Variants in COL15A1 observed in about 807,000 individuals in gnomAD.
COL15A1 encodes collagen alpha-1(XV) chain.
A neutral mutation model predicts 165.9 loss-of-function variants in COL15A1; 111 were observed. That is an observed-to-expected ratio of 0.67 (90% confidence interval 0.57 to 0.78). COL15A1 has a LOEUF of 0.78. COL15A1 is among the 30% of genes least tolerant of loss of function. The pLI is 0.00. For synonymous variants in COL15A1, 659 were observed against 674.8 expected (o/e 0.98, Z 0.36); for missense variants, 1,745 against 1,789.7 (o/e 0.98, Z 0.45).
chr9:98,947,206 C>G lies in COL15A1; in HGVS notation c.100+2956C>G, dbSNP rs1270009298. On this transcript the variant is annotated intron_variant, in intron 2 of 41. Coordinates refer to ENST00000375001, the MANE Select transcript of COL15A1 (RefSeq NM_001855.5). ...GGTGTATCCATTTAATGGAATACTA[C>G]TCAGCAATAAAAAGGAATGAAGTAT... is the stretch of plus-strand genomic sequence containing the variant. Among the ~76,000 whole-genome samples, 4 of 152,026 alleles carry G rather than the reference C, an allele frequency of 2.6e-5. No individual in the cohort carries two copies. In the South Asian group the frequency reaches 8.3e-4, roughly 32 times the overall value.
intron 4 of COL15A1, among the ~76,000 whole-genome samples, chr9:98,988,648 C>A (rs1263187843): frequency 6.6e-6 from 1 of 152,112 alleles, no homozygotes; most frequent in Non-Finnish European, 1.5e-5. Flanking sequence ...CCAGGCTGGG[C>A]GCAGTAGCTC....
intron 39 of COL15A1, among the ~76,000 whole-genome samples, chr9:99,065,972 C>T (rs545172241): frequency 6.6e-5 from 10 of 151,662 alleles, no homozygotes; most frequent in African/African-American, 1.5e-4. Context: ...AAACACTGGC[C>T]GCCTCCTGCC....
chr9:99,036,279 G>T, intron 20 of COL15A1, 34 bp from the exon 21 acceptor site: 1 of 1,614,102 alleles, frequency 6.2e-7, no homozygotes. Flanking sequence ...GCTGTACAGT[G>T]AATTTTTTTC....
chr9:99,028,926 AT>A (rs1398206288), intron 16 of COL15A1, among the ~76,000 whole-genome samples: 1 of 152,268 alleles, frequency 6.6e-6, no homozygotes, highest in African/African-American at 2.4e-5. Context: ...GATGATAGAA[AT>A]ATTCCTTACT....
At chr9:98,967,095 G>A (rs1837970382) in intron 2 of COL15A1, among the ~76,000 whole-genome samples, 1 of 152,320 alleles carries the variant, frequency 6.6e-6, no homozygotes, top group South Asian at 2.1e-4. Flanking sequence ...GTGACACTGG[G>A]AGATATGGAG....
chr9:98,973,843 A>G (rs887750553), intron 2 of COL15A1, among the ~76,000 whole-genome samples: 1 of 152,244 alleles, frequency 6.6e-6, no homozygotes, highest in Admixed American at 6.5e-5. Context: ...AAACTGAAAC[A>G]CTGGCGGGAG....
intron 13 of COL15A1, 29 bp downstream of exon 13, chr9:99,022,179 A>C: frequency 6.2e-7 from 1 of 1,614,052 alleles, no homozygotes; most frequent in Non-Finnish European, 8.5e-7. Context: ...CTTGTCACAC[A>C]CACAGGTGTA....
intron 5 of COL15A1, among the ~76,000 whole-genome samples, chr9:98,992,716 TC>T (rs1314007739): frequency 2.0e-5 from 3 of 152,234 alleles, no homozygotes; most frequent in African/African-American, 7.2e-5. Context: ...GTAGGTGGCA[TC>T]AGCCCCATTG....
Position 98,947,925 on chromosome 9 carries a change from G to C in COL15A1, c.100+3675G>C, listed in dbSNP as rs1256932980. 9.2e-5 allele frequency among the ~76,000 whole-genome samples: 14 copies of C among 152,190 alleles called. 1 individual carries two copies. The highest frequency in any genetic ancestry group is 3.4e-4 in the African/African-American group (14 of 41,446). On this transcript the variant is annotated intron_variant, in intron 2 of 41. Coordinates refer to ENST00000375001, the MANE Select transcript of COL15A1 (RefSeq NM_001855.5). ...TTGGAAAACCTGGGTTCCACTCACT[G>C]ACTTCCTCCATGAACTTAGATGAGT...
intron 9 of COL15A1, among the ~76,000 whole-genome samples, chr9:99,007,687 T>C (rs1031811912): frequency 9.2e-5 from 14 of 152,236 alleles, no homozygotes; most frequent in African/African-American, 3.1e-4. Flanking sequence ...TAGGCAGGTA[T>C]GAAAGTGGCT....
chr9:99,013,900 A>T (rs1838885981), intron 9 of COL15A1, among the ~76,000 whole-genome samples: 1 of 152,190 alleles, frequency 6.6e-6, no homozygotes, highest in Non-Finnish European at 1.5e-5. Flanking sequence ...AAGGAGGTAT[A>T]GGGCGGAAGA....
At chr9:98,991,000 C>T (rs530310174) in intron 5 of COL15A1, among the ~76,000 whole-genome samples, 30 of 152,212 alleles carry the variant, frequency 2.0e-4, no homozygotes, top group African/African-American at 6.5e-4. Flanking sequence ...CAGACCTTCG[C>T]GGTGAGTGTT....
chr9:99,025,309 C>T (rs573167990), intron 15 of COL15A1, among the ~76,000 whole-genome samples: 21 of 152,172 alleles, frequency 1.4e-4, no homozygotes, highest in Non-Finnish European at 2.5e-4. Flanking sequence ...GATGCACATT[C>T]AGCAGAGACT....
Position 99,000,877 on chromosome 9 carries a change from C to A in COL15A1, c.991C>A (p.His331Asn). Residue 331 changes from histidine to asparagine, a missense_variant, in exon 7 of 42, where the codon CAT becomes AAT. Coordinates refer to ENST00000375001, the MANE Select transcript of COL15A1 (RefSeq NM_001855.5). ...CCTGAATGACACACTGGAGGGGGTTCATTCTGTGGATGGTGACCCCATTAC... is the reference window on the plus strand; with the variant it reads ...CCTGAATGACACACTGGAGGGGGTTAATTCTGTGGATGGTGACCCCATTAC... ...EILNDTLEGV[H>N]SVDGDPITDS... The A allele has an allele frequency of 1.2e-6, 2 of 1,603,268 alleles. No homozygotes were observed. Among genetic ancestry groups the A allele is most frequent in the Non-Finnish European group, 1.7e-6 (2 of 1,170,564 alleles).
chr9:98,997,663 G>A (rs573835070), intron 6 of COL15A1, among the ~76,000 whole-genome samples: 1 of 152,354 alleles, frequency 6.6e-6, no homozygotes, highest in South Asian at 2.1e-4. Flanking sequence ...TACCCAGCAA[G>A]GCAGCAGCAG....
intron 2 of COL15A1, among the ~76,000 whole-genome samples, chr9:98,944,945 G>A (rs1837553303): frequency 6.6e-6 from 1 of 152,190 alleles, no homozygotes. Context: ...CAGACTGCCT[G>A]GGTTTGAACT....
chr9:98,997,896 C>T (rs1838576386), intron 6 of COL15A1: 2 of 152,228 alleles, frequency 1.3e-5, no homozygotes. Flanking sequence ...CAAGATCATT[C>T]CTGGCAGCAC....
In COL15A1 at chr9:98,970,253, C is replaced by A. The variant is rs533156686; in HGVS notation, c.101-15312C>A. Among the ~76,000 whole-genome samples the A allele has an allele frequency of 5.9e-5, 9 of 152,338 alleles. 1 individual carries two copies. Among genetic ancestry groups the A allele is most frequent in the African/African-American group, 2.2e-4 (9 of 41,590 alleles). ...GATTACATGCCAGGCATCACCTGTT[C>A]ACAGCAGCTGTCTGAATTTATTTAT... On this transcript the variant is annotated intron_variant, in intron 2 of 41. Transcript: ENST00000375001.
chr9:98,978,605 G>A (rs1437610780), intron 2 of COL15A1, among the ~76,000 whole-genome samples: 3 of 152,160 alleles, frequency 2.0e-5, no homozygotes. Context: ...ATCTCAGTGG[G>A]ATGTGTGGTT....
Sources: gnomAD v4.1 joint callset for allele counts (sites outside exome capture counted in the v4.1 genomes callset) on GRCh38, gnomAD v4.1.1 for gene constraint, MANE v1.5 for transcripts, NCBI Gene and HGNC (gene_info 2026-07-23, HGNC 2026-07-21) for gene names.